Variants in CIMIP1 observed in about 807,000 individuals in gnomAD.
The protein encoded by CIMIP1 is low in lung cancer 1.
At chr20:58,158,135 T>A in the CIMIP1 span, among the ~76,000 whole-genome samples, 1 of 151,344 alleles carries the variant, frequency 6.6e-6, no homozygotes, top group Non-Finnish European at 1.5e-5. Flanking sequence ...GAGGTGCCCC[T>A]CCTGGAGGAT....
the CIMIP1 span, among the ~76,000 whole-genome samples, chr20:58,155,252 TC>T: frequency 6.6e-6 from 1 of 152,122 alleles, no homozygotes; most frequent in South Asian, 2.1e-4. Flanking sequence ...TGCGTTGAGG[TC>T]CCCACCCTAC....
At chr20:58,150,969 C>T in the CIMIP1 span, 1 of 1,605,738 alleles carries the variant, frequency 6.2e-7, no homozygotes, top group Non-Finnish European at 8.5e-7. Context: ...GGCCTCATGG[C>T]GCAGAAACCT....
At chr20:58,150,966 T>C in the CIMIP1 span, 4 of 1,605,384 alleles carry the variant, frequency 2.5e-6, no homozygotes, top group Non-Finnish European at 3.4e-6. Flanking sequence ...CCAGGCCTCA[T>C]GGCGCAGAAA....
At chr20:58,155,156 T>A in the CIMIP1 span, among the ~76,000 whole-genome samples, 1 of 152,208 alleles carries the variant, frequency 6.6e-6, no homozygotes, top group East Asian at 1.9e-4. Flanking sequence ...TTTTCTCAAA[T>A]TCCCCCACAG....
chr20:58,159,183 C>CTTTTTT, the CIMIP1 span, among the ~76,000 whole-genome samples: 1,263 of 103,870 alleles, frequency 0.012, 14 homozygotes, highest in Non-Finnish European at 0.016. Flanking sequence ...GCACTTTCTT[C>CTTTTTT]TTTTTTTTTT....
the CIMIP1 span, chr20:58,151,173 T>G: frequency 1.3e-6 from 1 of 752,700 alleles, no homozygotes; most frequent in Admixed American, 2.5e-5. Context: ...CTGAGGATGG[T>G]CAGGGGCCTT....
At chr20:58,157,872 G>A in the CIMIP1 span, among the ~76,000 whole-genome samples, 53,147 of 152,098 alleles carry the variant, frequency 0.35, 9,913 homozygotes, top group Middle Eastern at 0.43. Flanking sequence ...AGACTGGGAT[G>A]TAGGTGGGAC....
the CIMIP1 span, among the ~76,000 whole-genome samples, chr20:58,156,912 C>T: frequency 2.6e-5 from 4 of 152,064 alleles, no homozygotes; most frequent in African/African-American, 7.2e-5. Context: ...CTGGCATGCT[C>T]GTGGTCTGAT....
At chr20:58,152,876 C>A in the CIMIP1 span, among the ~76,000 whole-genome samples, 37 of 152,216 alleles carry the variant, frequency 2.4e-4, no homozygotes, top group Middle Eastern at 6.8e-3. Flanking sequence ...ATGCTCACTG[C>A]CCAGGGCAAA....
At chr20:58,155,997 T>C in the CIMIP1 span, among the ~76,000 whole-genome samples, 109 of 152,296 alleles carry the variant, frequency 7.2e-4, no homozygotes, top group African/African-American at 2.4e-3. Context: ...GCCTGTCTTA[T>C]ACAATGGGGG....
At chr20:58,160,788 G>C in the CIMIP1 span, 15 of 1,613,480 alleles carry the variant, frequency 9.3e-6, no homozygotes, top group East Asian at 2.2e-5. Context: ...GCTTTTGCAC[G>C]AGAGCTGTGC....
the CIMIP1 span, chr20:58,160,930 C>CAA: frequency 8.2e-7 from 1 of 1,224,334 alleles, no homozygotes; most frequent in Non-Finnish European, 1.1e-6. Context: ...CAGTCCCCTG[C>CAA]GTACTTGCTC....
At chr20:58,157,239 G>A in the CIMIP1 span, among the ~76,000 whole-genome samples, 2 of 152,098 alleles carry the variant, frequency 1.3e-5, no homozygotes, top group South Asian at 4.1e-4. Context: ...CGTGGTGACT[G>A]CTTTACATTG....
the CIMIP1 span, chr20:58,161,090 T>C: frequency 4.7e-4 from 144 of 306,038 alleles, no homozygotes; most frequent in African/African-American, 2.7e-3. Flanking sequence ...GGAATTTCTA[T>C]GCAGGGCTTT....
the CIMIP1 span, among the ~76,000 whole-genome samples, chr20:58,157,306 T>G: frequency 1.3e-5 from 2 of 152,220 alleles, no homozygotes; most frequent in Non-Finnish European, 2.9e-5. Context: ...AAACCCATTT[T>G]GCAGATGGGA....
At chr20:58,153,701 C>T in the CIMIP1 span, 1,119 of 1,107,574 alleles carry the variant, frequency 1.0e-3, 8 homozygotes, top group African/African-American at 0.015. Context: ...AAGTCTATCA[C>T]TTGCAAGAAT....
At chr20:58,150,916 G>A in the CIMIP1 span, 208 of 1,557,986 alleles carry the variant, frequency 1.3e-4, no homozygotes, top group African/African-American at 2.3e-3. Flanking sequence ...GACGCGAGAC[G>A]CTGAGCCCAG....
chr20:58,159,183 CTTT>C, the CIMIP1 span, among the ~76,000 whole-genome samples: 6 of 104,080 alleles, frequency 5.8e-5, no homozygotes, highest in African/African-American at 1.9e-4. Flanking sequence ...GCACTTTCTT[CTTT>C]TTTTTTTTTT....
At chr20:58,158,057 C>A in the CIMIP1 span, among the ~76,000 whole-genome samples, 1 of 152,186 alleles carries the variant, frequency 6.6e-6, no homozygotes, top group Non-Finnish European at 1.5e-5. Context: ...CACCAGGGCC[C>A]CTGGGCCTGC....
Sources: allele counts gnomAD v4.1 joint callset (sites outside exome capture counted in the v4.1 genomes callset), GRCh38; gene constraint gnomAD v4.1.1; transcripts MANE v1.5; gene names NCBI Gene and HGNC (gene_info 2026-07-23, HGNC 2026-07-21).